The following PECAM1 variants were observed in gnomAD, a reference collection of about 807,000 sequenced individuals.
PECAM1 encodes the protein platelet endothelial cell adhesion molecule.
Under a neutral mutation model 13.8 loss-of-function variants are expected in PECAM1, and 8 were observed. That is an observed-to-expected ratio of 0.58 (90% CI 0.34 to 1.05). PECAM1 has a LOEUF of 1.05. Among genes scored for constraint, PECAM1 ranks in the 50% least tolerant of loss-of-function variants. The pLI, the probability that PECAM1 is intolerant of heterozygous loss-of-function variation, is 0.03. For missense variants in PECAM1, 304 were observed against 141.2 expected, an observed-to-expected ratio of 2.15 and a Z score of -5.84; for synonymous variants, 136 against 52.6, an observed-to-expected ratio of 2.58 and a Z score of -6.86.
intron 15 of PECAM1, 144 bp from the exon 16 acceptor site, chr17:64,323,989 G>A (rs782581545): frequency 1.2e-5 from 10 of 821,572 alleles, no homozygotes; most frequent in Non-Finnish European, 1.9e-5. Context: ...ACCCTGCAGG[G>A]TTCTCTCTGT....
Position 64,323,339 on chromosome 17 carries a change from A to C in PECAM1, c.*477T>G. The C allele has an allele frequency of 9.3e-7, 1 of 1,071,706 alleles. No individual in the cohort carries two copies. Among genetic ancestry groups the C allele is most frequent in the African/African-American group, 1.7e-5 (1 of 59,366 alleles). The allele number at this position is 1,071,706 out of a possible 1,614,324, so 66.4% of individuals were successfully genotyped here. A position where few individuals can be genotyped will look rare whatever the true frequency, so the allele number is the denominator to read the frequency against. On this transcript the variant is annotated 3_prime_UTR_variant, in exon 16 of 16. Coordinates refer to ENST00000563924, the MANE Select transcript of PECAM1 (RefSeq NM_000442.5). ...TGGTCAGCACTGTGTATTTCCAAAG[A>C]ACAAGGACTAGCCAAAACTACAAGC...
At chr17:64,382,504 ATTC>A (rs1257547330) in intron 2 of PECAM1, among the ~76,000 whole-genome samples, 1 of 152,152 alleles carries the variant, frequency 6.6e-6, no homozygotes, top group African/African-American at 2.4e-5. Flanking sequence ...TGTTAGCTAG[ATTC>A]TTCCAGTTAC....
At chr17:64,343,347 G>A (rs1052562966) in intron 13 of PECAM1, among the ~76,000 whole-genome samples, 32 of 152,056 alleles carry the variant, frequency 2.1e-4, no homozygotes, top group Non-Finnish European at 3.7e-4. Context: ...GGAGCTTCAC[G>A]CATGTACCAA....
intron 14 of PECAM1, among the ~76,000 whole-genome samples, chr17:64,341,212 C>T (rs1391265434): frequency 6.6e-6 from 1 of 150,798 alleles, no homozygotes; most frequent in East Asian, 1.9e-4. Flanking sequence ...TGCAGTGAGT[C>T]GAGATTGCAC....
chr17:64,371,171 G>A (rs1410972942), intron 4 of PECAM1, among the ~76,000 whole-genome samples: 10 of 152,102 alleles, frequency 6.6e-5, no homozygotes, highest in Non-Finnish European at 1.3e-4. Context: ...AAACATGGGT[G>A]TGTTTTTTTC....
At chr17:64,350,567 TCCTGGGTCCCCTCGTTGGC>T in intron 11 of PECAM1, 134 bp from the exon 12 acceptor site, 1 of 404,658 alleles carries the variant, frequency 2.5e-6, no homozygotes, top group East Asian at 3.6e-5. Flanking sequence ...TGTCTCTGGG[TCCTGGGTCCCCTCGTTGGC>T]CCTCCTGTGG....
chr17:64,335,729 A>G (rs1440392635), intron 14 of PECAM1, among the ~76,000 whole-genome samples: 2 of 152,210 alleles, frequency 1.3e-5, no homozygotes, highest in African/African-American at 4.8e-5. Flanking sequence ...GATCTTGGGG[A>G]TTAAGGTAGG....
intron 14 of PECAM1, among the ~76,000 whole-genome samples, chr17:64,332,237 C>T (rs1460225056): frequency 6.6e-6 from 1 of 152,064 alleles, no homozygotes; most frequent in Non-Finnish European, 1.5e-5. Flanking sequence ...TAATGTTGAG[C>T]CATTGTGTCA....
intron 14 of PECAM1, among the ~76,000 whole-genome samples, chr17:64,336,625 C>T (rs1444551469): frequency 6.6e-6 from 1 of 152,202 alleles, no homozygotes; most frequent in Non-Finnish European, 1.5e-5. Context: ...GTGGCGCACG[C>T]CTGAATCCCA....
At chr17:64,376,118 A>G (rs2036352194) in intron 3 of PECAM1, among the ~76,000 whole-genome samples, 1 of 152,040 alleles carries the variant, frequency 6.6e-6, no homozygotes, top group African/African-American at 2.4e-5. Flanking sequence ...AGCCTGGCCA[A>G]CATGGCGAAA....
In PECAM1 at chr17:64,322,998, T is replaced by C. The variant is rs1252896706; in HGVS notation, c.*818A>G. 2 of 976,152 alleles carry C rather than the reference T, an allele frequency of 2.0e-6. No individual in the cohort carries two copies. Among genetic ancestry groups the C allele is most frequent in the Non-Finnish European group, 2.4e-6 (2 of 821,438 alleles). 60.5% of individuals were successfully genotyped at this position (976,152 alleles called of 1,614,324 possible). ...CTGGGATTACAGGCGTGAGCCACCTTGCCTGCCCTGGCAAGGAATACATTT... is the reference window on the plus strand; with the variant it reads ...CTGGGATTACAGGCGTGAGCCACCTCGCCTGCCCTGGCAAGGAATACATTT... On this transcript the variant is annotated 3_prime_UTR_variant, in exon 16 of 16. Coordinates refer to ENST00000563924, the MANE Select transcript of PECAM1 (RefSeq NM_000442.5).
intron 12 of PECAM1, among the ~76,000 whole-genome samples, chr17:64,350,132 G>T (rs1334805686): frequency 6.6e-6 from 1 of 152,108 alleles, no homozygotes; most frequent in Non-Finnish European, 1.5e-5. Flanking sequence ...TATGAGTCAG[G>T]AAGTTGTTTT....
intron 15 of PECAM1, among the ~76,000 whole-genome samples, chr17:64,325,670 G>C (rs1483781989): frequency 6.6e-6 from 1 of 152,210 alleles, no homozygotes; most frequent in Non-Finnish European, 1.5e-5. Flanking sequence ...CTGGGAGATG[G>C]AGGTTGCAGT....
At chr17:64,369,225 T>C (rs2143844026) in intron 5 of PECAM1, among the ~76,000 whole-genome samples, 1 of 152,276 alleles carries the variant, frequency 6.6e-6, no homozygotes, top group East Asian at 1.9e-4. Context: ...TGAGCCACCA[T>C]GCCCAGCCAT....
At chr17:64,390,453 T>G in intron 2 of PECAM1, 36 bp downstream of exon 2, 1 of 469,834 alleles carries the variant, frequency 2.1e-6, no homozygotes, top group Non-Finnish European at 3.9e-6. Flanking sequence ...GGAAGCCAGG[T>G]AGAAACATCT....
chr17:64,369,132 A>G (rs2036180596), intron 5 of PECAM1, among the ~76,000 whole-genome samples: 1 of 151,714 alleles, frequency 6.6e-6, no homozygotes, highest in Non-Finnish European at 1.5e-5. Flanking sequence ...ATGGGGTTTT[A>G]TCATATTGGC....
At position 64,321,158 on chromosome 17, in the gene PECAM1, G is replaced by A. The variant is rs1555644341; in HGVS notation, c.*2658C>T. The A allele has an allele frequency of 6.6e-6, 1 of 152,248 alleles. No homozygotes were observed. The highest frequency in any genetic ancestry group is 2.4e-5 in the African/African-American group (1 of 41,448). The allele number at this position is 152,248 out of a possible 1,614,324, so 9.4% of individuals were successfully genotyped here. A position where few individuals can be genotyped will look rare whatever the true frequency, so the allele number is the denominator to read the frequency against. On this transcript the variant is annotated 3_prime_UTR_variant, in exon 16 of 16. Transcript: ENST00000563924. The stretch of plus-strand genomic sequence containing the variant: ...GGTGGCTGACCTCTTGGGGTCAGAA[G>A]AGGGAAAAGTTTTACTGTGTGTTGG...
At chr17:64,383,132 G>A (rs988270982) in intron 2 of PECAM1, among the ~76,000 whole-genome samples, 4 of 152,122 alleles carry the variant, frequency 2.6e-5, no homozygotes, top group African/African-American at 4.8e-5. Flanking sequence ...ACTCCACTGC[G>A]TGCTCTCCAC....
intron 15 of PECAM1, among the ~76,000 whole-genome samples, chr17:64,324,446 G>T (rs2034889723): frequency 6.6e-6 from 1 of 152,076 alleles, no homozygotes; most frequent in Admixed American, 6.6e-5. Flanking sequence ...ATACATGTTG[G>T]ACATCAATCA....
Sources: gnomAD v4.1 joint callset for allele counts (sites outside exome capture counted in the v4.1 genomes callset) on GRCh38, gnomAD v4.1.1 for gene constraint, MANE v1.5 for transcripts, NCBI Gene and HGNC (gene_info 2026-07-23, HGNC 2026-07-21) for gene names.